The following DLEC1 variants were observed in gnomAD, a reference collection of about 807,000 sequenced individuals.
DLEC1 encodes DLEC1 cilia and flagella associated protein, also known as deleted in lung and esophageal cancer protein 1.
In DLEC1, 146 loss-of-function variants were observed where a neutral mutation model predicts 198.1. That is an observed-to-expected ratio of 0.74 (90% CI 0.64 to 0.85). DLEC1 has a LOEUF of 0.85. Ranked by LOEUF, DLEC1 falls within the 40% of genes least tolerant of loss-of-function variation. The probability of loss-of-function intolerance (pLI) is 0.00; values close to 1 mark genes in which losing one functional copy is unlikely to be tolerated. For synonymous variants in DLEC1, 897 were observed against 866.8 expected (o/e 1.03, Z -0.61); for missense variants, 2,233 against 2,220.0 (o/e 1.01, Z -0.12).
At chr3:38,095,566 A>G (rs371667988) in intron 13 of DLEC1, 1 of 359,630 alleles carries the variant, frequency 2.8e-6, no homozygotes, top group South Asian at 3.8e-5. Flanking sequence ...CTCTGGTCCC[A>G]GCATCCAGCT....
intron 30 of DLEC1, 37 bp from the exon 31 acceptor site, chr3:38,117,171 C>G: frequency 8.1e-6 from 13 of 1,614,102 alleles, no homozygotes; most frequent in Non-Finnish European, 1.1e-5. Context: ...GCCTACTCAG[C>G]CCAGGGATCA....
intron 6 of DLEC1, among the ~76,000 whole-genome samples, chr3:38,065,923 C>A (rs1452322596): frequency 6.6e-6 from 1 of 152,204 alleles, no homozygotes; most frequent in African/African-American, 2.4e-5. Context: ...ACTGCAATTT[C>A]GTACACCCTG....
intron 7 of DLEC1, among the ~76,000 whole-genome samples, 189 bp downstream of exon 7, chr3:38,084,434 A>G (rs371034100): frequency 0.091 from 180 of 1,972 alleles, 3 homozygotes; most frequent in Non-Finnish European, 0.12. Flanking sequence ...TAGTAGTAGT[A>G]GTGGTGGTGG....
intron 14 of DLEC1, 130 bp from the exon 15 acceptor site, chr3:38,096,439 G>A (rs1699020677): frequency 9.2e-7 from 1 of 1,091,518 alleles, no homozygotes; most frequent in South Asian, 1.6e-5. Context: ...CTTTGATTTA[G>A]GGGGCTCAGG....
chr3:38,074,587 G>A (rs1023978874), intron 6 of DLEC1, among the ~76,000 whole-genome samples: 1 of 152,208 alleles, frequency 6.6e-6, no homozygotes, highest in African/African-American at 2.4e-5. Flanking sequence ...AGGAAATCAT[G>A]TAATCTTGCC....
rs768875956 is a variant in DLEC1, at chr3:38,116,960, CTG to C, written c.4180-11_4180-10del. 1.2e-6 allele frequency: 2 copies of C among 1,613,518 alleles called. No homozygotes were observed. The highest frequency in any genetic ancestry group is 2.2e-5 in the South Asian group (2 of 91,076). Reference sequence around the variant, plus strand: ...TGGGCATGGGACAGTGCTAAGGCTGCTGTGTCTATGCCAGGTGGTCCCTGCTG... The same window carrying C: ...TGGGCATGGGACAGTGCTAAGGCTGCTGTCTATGCCAGGTGGTCCCTGCTG... On this transcript the variant is annotated splice_polypyrimidine_tract_variant and intron_variant, in intron 29 of 36. Coordinates refer to ENST00000308059, the MANE Select transcript of DLEC1 (RefSeq NM_007335.4).
chr3:38,077,450 G>A (rs1023820786), intron 6 of DLEC1, among the ~76,000 whole-genome samples: 3 of 152,190 alleles, frequency 2.0e-5, no homozygotes, highest in African/African-American at 4.8e-5. Context: ...TGAAAGTATT[G>A]TCCAGTCCTT....
rs1456680341 is a variant in DLEC1 at position 38,064,797 on chromosome 3, C to T, written c.1173+878C>T. Among the ~76,000 whole-genome samples the T allele has an allele frequency of 2.8e-4, 42 of 150,926 alleles. 1 individual carries two copies. The highest frequency in any genetic ancestry group is 2.0e-4 in the Admixed American group (3 of 15,146). On this transcript the variant is annotated intron_variant, in intron 6 of 36. Coordinates refer to ENST00000308059, the MANE Select transcript of DLEC1 (RefSeq NM_007335.4). The stretch of plus-strand genomic sequence containing the variant: ...CAGACGATGGGCGGCCGGGCAGAGA[C>T]GCTCCTCACTTCCTAGATGGGATGA...
rs754432331 is a variant in DLEC1, at chr3:38,092,779, C to T, written c.1666-11C>T. On this transcript the variant is annotated splice_polypyrimidine_tract_variant and intron_variant, in intron 10 of 36. Transcript: ENST00000308059. ...AATGGGAGGTAACGGAACAACCCTT[C>T]TCTCCCCCAGGTCTTGTTTTCCCCA... The T allele has an allele frequency of 5.6e-6, 9 of 1,613,204 alleles. No homozygotes were observed. Among genetic ancestry groups the T allele is most frequent in the Non-Finnish European group, 7.6e-6 (9 of 1,179,250 alleles).
intron 10 of DLEC1, among the ~76,000 whole-genome samples, chr3:38,091,951 C>T (rs1172481770): frequency 6.6e-6 from 1 of 152,084 alleles, no homozygotes; most frequent in Non-Finnish European, 1.5e-5. Flanking sequence ...GGAGTTCCTT[C>T]AAAAAATTAA....
At position 38,117,217 on chromosome 3, in the gene DLEC1, G is replaced by A. The variant is rs1700223111; in HGVS notation, c.4315G>A (p.Glu1439Lys). 2 of 1,614,056 alleles carry A rather than the reference G, an allele frequency of 1.2e-6. No homozygotes were observed. Among genetic ancestry groups the A allele is most frequent in the South Asian group, 2.2e-5 (2 of 91,082 alleles). The change falls in exon 31 of 37, where the codon GAG (glutamate) becomes AAG (lysine). Residue 1439 changes from glutamate (E) to lysine (K), a missense_variant. Physicochemically the swap from Glu to Lys is moderately conservative, Grantham distance 56 (BLOSUM62 1). Transcript: ENST00000308059. ...GACTTGGGCTCAGTAGGTGGAAAGG[G>A]AGATTCCAGGGAAGAGGCATCGCCT... ...FMSLDSKVEREIPGKRHRLQD... is the reference protein window; with the variant it reads ...FMSLDSKVERKIPGKRHRLQD...
chr3:38,085,327 A>C lies in DLEC1; in HGVS notation c.1315A>C (p.Ile439Leu), dbSNP rs1282917821. ...GGCTCCTGGAATGACCTGCCAGTACATTGTCCAGTTTTTTCCCGACTGCCT... is the reference window on the plus strand; with the variant it reads ...GGCTCCTGGAATGACCTGCCAGTACCTTGTCCAGTTTTTTCCCGACTGCCT... ...MVAPGMTCQYIVQFFPDCLGD... is the reference protein window; with the variant it reads ...MVAPGMTCQYLVQFFPDCLGD... The change falls in exon 8 of 37, where the codon ATT becomes CTT. Residue 439 changes from isoleucine to leucine, a missense_variant. Ile to Leu is a conservative substitution (Grantham distance 5, BLOSUM62 2). Coordinates refer to ENST00000308059, the MANE Select transcript of DLEC1 (RefSeq NM_007335.4). 8.7e-6 allele frequency: 14 copies of C among 1,614,074 alleles called. No homozygotes were observed. Among genetic ancestry groups the C allele is most frequent in the South Asian group, 1.1e-5 (1 of 91,088 alleles).
intron 18 of DLEC1, among the ~76,000 whole-genome samples, chr3:38,099,156 A>C (rs1699178607): frequency 6.6e-6 from 1 of 152,178 alleles, no homozygotes; most frequent in Non-Finnish European, 1.5e-5. Flanking sequence ...CCTCTGCCCC[A>C]TCCTGCTTCT....
chr3:38,095,618 G>A (rs927589704), intron 13 of DLEC1: 12 of 480,454 alleles, frequency 2.5e-5, no homozygotes, highest in Admixed American at 1.3e-4. Context: ...CTTCGGACAC[G>A]TTGAGGGGCT....
In DLEC1 at chr3:38,110,905, CAT is replaced by C. The variant is rs150770336; in HGVS notation, c.3443+627_3443+628del. Among the ~76,000 whole-genome samples, 619 of 152,134 alleles carry C rather than the reference CAT, an allele frequency of 4.1e-3. 6 individuals are homozygous for C. Among genetic ancestry groups the C allele is most frequent in the Non-Finnish European group, 5.3e-3 (362 of 67,992 alleles). ...ATAGACACAAATATACACACATACA[CAT>C]ATGTATACACATATACACATGCACA... On this transcript the variant is annotated intron_variant, in intron 23 of 36. Coordinates refer to ENST00000308059, the MANE Select transcript of DLEC1 (RefSeq NM_007335.4).
chr3:38,053,174 C>A (rs375437044), intron 2 of DLEC1, among the ~76,000 whole-genome samples: 1,793 of 152,338 alleles, frequency 0.012, 14 homozygotes, highest in Middle Eastern at 0.02. Context: ...CCTTGGCCTC[C>A]CAAAGTGCCG....
At chr3:38,118,352 G>A (rs1212154007) in intron 33 of DLEC1, among the ~76,000 whole-genome samples, 1 of 152,136 alleles carries the variant, frequency 6.6e-6, no homozygotes, top group East Asian at 1.9e-4. Flanking sequence ...ATTCCTGTGA[G>A]CACCTCCCCT....
Position 38,070,997 on chromosome 3 carries a change from G to A in DLEC1, c.1173+7078G>A, listed in dbSNP as rs879114623. 5.9e-5 allele frequency among the ~76,000 whole-genome samples: 9 copies of A among 152,078 alleles called. 1 individual carries two copies. The highest frequency in any genetic ancestry group is 4.6e-4 in the Admixed American group (7 of 15,260). On this transcript the variant is annotated intron_variant, in intron 6 of 36. Transcript: ENST00000308059. ...AATAGTGTTGAAGTGTTGGGGTGGC[G>A]AAAATTTTTGGGGGATGGTATGGAG...
At position 38,059,826 on chromosome 3, in the gene DLEC1, C is replaced by T. The variant is rs780414386; in HGVS notation, c.647C>T (p.Thr216Ile). 6 of 1,614,170 alleles carry T rather than the reference C, an allele frequency of 3.7e-6. No individual in the cohort carries two copies. The highest frequency in any genetic ancestry group is 1.7e-5 in the Admixed American group (1 of 60,024). ...TCCCCAGAAGATTACTACACCGATA[C>T]AGTGCCGTTTCACTCTGCACCTAAA... ...LISPEDYYTD[T>I]VPFHSAPKGI... Residue 216 changes from threonine (T) to isoleucine (I), a missense_variant, in exon 3 of 37, where the codon ACA (threonine) becomes ATA (isoleucine). By Grantham distance (89) the Thr-to-Ile change is moderately conservative. Transcript: ENST00000308059.
Sources: allele counts gnomAD v4.1 joint callset (sites outside exome capture counted in the v4.1 genomes callset), GRCh38; gene constraint gnomAD v4.1.1; transcripts MANE v1.5; gene names NCBI Gene and HGNC (gene_info 2026-07-23, HGNC 2026-07-21).